The following RASSF3 variants were observed in gnomAD, a reference collection of about 807,000 sequenced individuals.
RASSF3 encodes Ras association domain family member 3.
A neutral mutation model predicts 19.9 loss-of-function variants in RASSF3; 19 were observed. That is an observed-to-expected ratio of 0.96 (90% CI 0.67 to 1.40). The LOEUF (loss-of-function observed/expected upper bound fraction) is 1.40. RASSF3 is among the 40% of genes most tolerant of loss of function. The probability of loss-of-function intolerance (pLI) is 0.00; values close to 1 mark genes in which losing one functional copy is unlikely to be tolerated. For missense variants in RASSF3, 306 were observed against 289.8 expected (o/e 1.06, Z -0.41); for synonymous variants, 110 against 104.2 (o/e 1.06, Z -0.34).
intron 2 of RASSF3, among the ~76,000 whole-genome samples, chr12:64,551,148 T>G (rs1869153490): frequency 6.6e-6 from 1 of 152,100 alleles, no homozygotes; most frequent in South Asian, 2.1e-4. Flanking sequence ...CACTTTACAG[T>G]ACCAGACATG....
chr12:64,516,618 C>CAA lies in RASSF3; in HGVS notation c.169+9303_169+9304dup, dbSNP rs200931603. Among the ~76,000 whole-genome samples the CAA allele has an allele frequency of 4.8e-3, 521 of 109,058 alleles. 5 individuals carry two copies. The highest frequency in any genetic ancestry group is 5.0e-3 in the Admixed American group (52 of 10,382). The allele number at this position is 109,058 out of a possible 152,430, so 71.5% of individuals were successfully genotyped here. A position where few individuals can be genotyped will look rare whatever the true frequency, so the allele number is the denominator to read the frequency against. The stretch of plus-strand genomic sequence containing the variant: ...TGGGCGACAGAGCGAGACTCCGTCT[C>CAA]AAAAAAAAAAAAAAAGATACCACTG... On this transcript the variant is annotated intron_variant, in intron 1 of 5. Coordinates refer to the RASSF3 transcript ENST00000637125.
chr12:64,673,969 A>G (rs1177726786), intron 1 of RASSF3, among the ~76,000 whole-genome samples: 1 of 151,950 alleles, frequency 6.6e-6, no homozygotes, highest in East Asian at 1.9e-4. Flanking sequence ...GTACAACCAT[A>G]TAGGGTATGG....
chr12:64,695,579 G>A lies in RASSF3; in HGVS notation c.*667G>A, dbSNP rs1315794044. 1 of 152,578 alleles carries A rather than the reference G, an allele frequency of 6.6e-6. No individual in the cohort carries two copies. The highest frequency in any genetic ancestry group is 1.9e-4 in the East Asian group (1 of 5,194). The allele number at this position is 152,578 out of a possible 1,614,324, so 9.5% of individuals were successfully genotyped here. A position where few individuals can be genotyped will look rare whatever the true frequency, so the allele number is the denominator to read the frequency against. On this transcript the variant is annotated 3_prime_UTR_variant, in exon 5 of 5. Coordinates refer to ENST00000542104, the MANE Select transcript of RASSF3 (RefSeq NM_178169.4). ...GAAAGGGGTAGTTGCTTGTAAACGA[G>A]TTAAAAGCATTCAGTGTGGAGGTGT...
chr12:64,512,797 T>C (rs998652571), intron 1 of RASSF3, among the ~76,000 whole-genome samples: 4 of 152,228 alleles, frequency 2.6e-5, no homozygotes, highest in Non-Finnish European at 2.9e-5. Context: ...ATGAGCAATC[T>C]TACTCATATC....
At chr12:64,599,347 G>A (rs1411571953) in intron 2 of RASSF3, 1 of 152,136 alleles carries the variant, frequency 6.6e-6, no homozygotes, top group African/African-American at 2.4e-5. Flanking sequence ...CAGAAGCGTG[G>A]GGGTAGGGAG....
At chr12:64,569,941 G>C (rs977646636) in intron 2 of RASSF3, among the ~76,000 whole-genome samples, 1 of 152,168 alleles carries the variant, frequency 6.6e-6, no homozygotes, top group Non-Finnish European at 1.5e-5. Flanking sequence ...CTCCAGCCTG[G>C]GCAGCAAGAG....
At chr12:64,553,610 A>G (rs1004350080) in intron 2 of RASSF3, among the ~76,000 whole-genome samples, 3 of 152,182 alleles carry the variant, frequency 2.0e-5, no homozygotes, top group African/African-American at 7.2e-5. Flanking sequence ...CTTTCCAATC[A>G]GGCTTATAAT....
At chr12:64,661,010 C>T (rs542712730) in intron 1 of RASSF3, among the ~76,000 whole-genome samples, 8 of 152,210 alleles carry the variant, frequency 5.3e-5, no homozygotes, top group African/African-American at 1.9e-4. Flanking sequence ...AACGTGTGCT[C>T]TCAGGGTTTG....
At chr12:64,571,409 A>T (rs1387103494) in intron 2 of RASSF3, among the ~76,000 whole-genome samples, 1 of 152,042 alleles carries the variant, frequency 6.6e-6, no homozygotes, top group Non-Finnish European at 1.5e-5. Flanking sequence ...AAACGAGAAC[A>T]TGATCCTCAA....
chr12:64,626,789 T>A (rs1022022089), intron 1 of RASSF3, among the ~76,000 whole-genome samples: 6 of 152,330 alleles, frequency 3.9e-5, no homozygotes, highest in African/African-American at 1.2e-4. Flanking sequence ...GGTCTGGAAC[T>A]CCTGGGCTCA....
chr12:64,516,511 T>C (rs1484042934), intron 1 of RASSF3, among the ~76,000 whole-genome samples: 75 of 147,216 alleles, frequency 5.1e-4, no homozygotes, highest in African/African-American at 1.6e-3. Flanking sequence ...CCCAGCTACT[T>C]GGGAGGCTGA....
intron 1 of RASSF3, among the ~76,000 whole-genome samples, chr12:64,516,998 CAAAAAA>C (rs371430838): frequency 5.8e-5 from 3 of 51,974 alleles, no homozygotes; most frequent in Non-Finnish European, 7.6e-5. Context: ...AAATCTGTCT[CAAAAAA>C]AAAAAAAAAA....
chr12:64,641,414 A>ACACACACACACACACACACG, intron 1 of RASSF3, among the ~76,000 whole-genome samples: 98 of 142,188 alleles, frequency 6.9e-4, no homozygotes, highest in African/African-American at 1.8e-3. Context: ...ACACACACAC[A>ACACACACACACACACACACG]CGCGCGCGCG....
intron 1 of RASSF3, among the ~76,000 whole-genome samples, chr12:64,527,974 A>G (rs1868624797): frequency 6.6e-6 from 1 of 152,050 alleles, no homozygotes; most frequent in Admixed American, 6.6e-5. Flanking sequence ...AAAAATTGAT[A>G]CAGGCCAGGT....
chr12:64,568,098 C>G (rs1400464344), intron 2 of RASSF3, among the ~76,000 whole-genome samples: 1 of 152,204 alleles, frequency 6.6e-6, no homozygotes, highest in Non-Finnish European at 1.5e-5. Flanking sequence ...GTGGCGCGAT[C>G]TTGGCTCACT....
chr12:64,682,896 GATT>G (rs1873191534), intron 1 of RASSF3, among the ~76,000 whole-genome samples: 1 of 152,194 alleles, frequency 6.6e-6, no homozygotes, highest in Non-Finnish European at 1.5e-5. Flanking sequence ...TGTTGAATCT[GATT>G]ATGCAGCTTT....
rs1253383192 is a variant in RASSF3, at chr12:64,697,097, G to A, written c.*2185G>A. The stretch of plus-strand genomic sequence containing the variant: ...TTTTTTTTTTTACTTGAAGTAGATT[G>A]TCTGAATAGGCATCCTCATCTATAT... On this transcript the variant is annotated 3_prime_UTR_variant, in exon 5 of 5. Coordinates refer to ENST00000542104, the MANE Select transcript of RASSF3 (RefSeq NM_178169.4). The A allele has an allele frequency of 2.3e-5, 3 of 128,444 alleles. No homozygotes were observed. Among genetic ancestry groups the A allele is most frequent in the Non-Finnish European group, 3.2e-5 (2 of 62,478 alleles). 8.0% of individuals were successfully genotyped at this position (128,444 alleles called of 1,614,324 possible).
chr12:64,573,961 T>A (rs1257935703), intron 2 of RASSF3, among the ~76,000 whole-genome samples: 1 of 152,074 alleles, frequency 6.6e-6, no homozygotes, highest in Non-Finnish European at 1.5e-5. Flanking sequence ...ATGTAATGTG[T>A]CATATTAATA....
intron 2 of RASSF3, among the ~76,000 whole-genome samples, chr12:64,579,987 G>GT (rs993259950): frequency 2.6e-5 from 4 of 151,646 alleles, no homozygotes; most frequent in Admixed American, 2.0e-4. Context: ...GCTAATTTTT[G>GT]TTTTTTCAGT....
Sources: gnomAD v4.1 joint callset for allele counts (sites outside exome capture counted in the v4.1 genomes callset) on GRCh38, gnomAD v4.1.1 for gene constraint, MANE v1.5 for transcripts, NCBI Gene and HGNC (gene_info 2026-07-23, HGNC 2026-07-21) for gene names.